Variants in DSN1 observed in about 807,000 individuals in gnomAD.
The protein encoded by DSN1 is kinetochore-associated protein DSN1 homolog.
Under a neutral mutation model 45.7 loss-of-function variants are expected in DSN1, and 31 were observed. The ratio of observed to expected loss-of-function variants is 0.68; its 90% CI spans 0.51 to 0.92. The LOEUF is 0.92. Ranked by LOEUF, DSN1 falls within the 40% of genes least tolerant of loss-of-function variation. DSN1 has a pLI of 0.00. For synonymous variants in DSN1, 134 were observed against 142.3 expected, an observed-to-expected ratio of 0.94 and a Z score of 0.41; for missense variants, 394 against 414.2, an observed-to-expected ratio of 0.95 and a Z score of 0.42.
chr20:36,768,022 C>A lies in DSN1; in HGVS notation c.376G>T (p.Val126Phe). ...AGCCGTTTGCTTTCTGCTAAATCGA[C>A]ACTGATAGACCGGCTGAGCTCTAAC... ...GITELSRSIS[V>F]DLAESKRLGC... Residue 126 changes from valine to phenylalanine, a missense_variant, in exon 4 of 11, where the codon GTC becomes TTC. Physicochemically the swap from Val to Phe is conservative, Grantham distance 50. Coordinates refer to ENST00000373750, the MANE Select transcript of DSN1 (RefSeq NM_001145315.2). The A allele has an allele frequency of 6.2e-7, 1 of 1,614,170 alleles. No individual in the cohort carries two copies. Among genetic ancestry groups the A allele is most frequent in the Admixed American group, 1.7e-5 (1 of 60,016 alleles).
At chr20:36,757,946 C>T in intron 8 of DSN1, 141 bp downstream of exon 8, 2 of 754,606 alleles carry the variant, frequency 2.7e-6, no homozygotes, top group East Asian at 5.4e-5. Flanking sequence ...TCAGAGAGTG[C>T]TAATACACAC....
intron 5 of DSN1, among the ~76,000 whole-genome samples, chr20:36,766,013 C>G (rs1409401865): frequency 1.3e-5 from 2 of 148,632 alleles, no homozygotes; most frequent in East Asian, 4.1e-4. Flanking sequence ...GCCAACATGG[C>G]GAAACCCCGT....
intron 10 of DSN1, among the ~76,000 whole-genome samples, chr20:36,753,513 C>T (rs1018516008): frequency 3.3e-5 from 5 of 151,060 alleles, no homozygotes; most frequent in Admixed American, 1.3e-4. Flanking sequence ...TGGCACATGC[C>T]TGTAATCCCA....
intron 6 of DSN1, among the ~76,000 whole-genome samples, chr20:36,759,444 A>T (rs771626321): frequency 1.3e-5 from 2 of 152,104 alleles, no homozygotes; most frequent in Non-Finnish European, 2.9e-5. Context: ...CTTTCAAAAA[A>T]TACTTAATGT....
rs1343430594 is a variant in DSN1 at position 36,756,072 on chromosome 20, C to A, written c.726-243G>T. On this transcript the variant is annotated intron_variant, in intron 8 of 10. Coordinates refer to ENST00000373750, the MANE Select transcript of DSN1 (RefSeq NM_001145315.2). ...CTCGGCTCACTGCAACCTCTGCCTC[C>A]CGGGTTCAAGCAATTTTCCTGCCTC... is the stretch of plus-strand genomic sequence containing the variant. Among the ~76,000 whole-genome samples the A allele has an allele frequency of 2.6e-5, 4 of 151,948 alleles. No individual in the cohort carries two copies. The East Asian group carries it at 7.7e-4, about 29-fold the overall frequency.
In DSN1 at chr20:36,755,847, G is replaced by C. The variant is rs1351767432; in HGVS notation, c.726-18C>G. 7 of 1,595,364 alleles carry C rather than the reference G, an allele frequency of 4.4e-6. No homozygotes were observed. The East Asian group carries it at 1.6e-4, about 36-fold the overall frequency. On this transcript the variant is annotated intron_variant, in intron 8 of 10. Coordinates refer to ENST00000373750, the MANE Select transcript of DSN1 (RefSeq NM_001145315.2). Reference sequence around the variant, plus strand: ...TTGATCCTCTAAAAACAAAACACAAGAGCTTTTGAGAGATTCTGTAATTAT... The same window carrying C: ...TTGATCCTCTAAAAACAAAACACAACAGCTTTTGAGAGATTCTGTAATTAT...
intron 4 of DSN1, 94 bp from the exon 5 acceptor site, chr20:36,766,935 C>T (rs1312382695): frequency 4.1e-6 from 3 of 727,060 alleles, no homozygotes; most frequent in African/African-American, 3.7e-5. Context: ...AAATATGAAA[C>T]TAAATACTAA....
chr20:36,758,044 TC>T, intron 8 of DSN1, 42 bp downstream of exon 8: 1 of 1,563,614 alleles, frequency 6.4e-7, no homozygotes, highest in East Asian at 2.2e-5. Context: ...CCAATCAAAC[TC>T]CATAAGATTT....
Position 36,752,477 on chromosome 20 carries a change from G to T in DSN1, c.*311C>A. Reference sequence around the variant, plus strand: ...TTAGACTTGGTCCTAAATGATTTTTGGATTGTTTCAAAACCTGAAAAACAC... The same window carrying T: ...TTAGACTTGGTCCTAAATGATTTTTTGATTGTTTCAAAACCTGAAAAACAC... On this transcript the variant is annotated 3_prime_UTR_variant, in exon 11 of 11. Coordinates refer to ENST00000373750, the MANE Select transcript of DSN1 (RefSeq NM_001145315.2). The T allele has an allele frequency of 4.1e-6, 1 of 241,944 alleles. No homozygotes were observed. The allele number at this position is 241,944 out of a possible 1,614,324, so 15.0% of individuals were successfully genotyped here. A position where few individuals can be genotyped will look rare whatever the true frequency, so the allele number is the denominator to read the frequency against.
intron 5 of DSN1, 101 bp downstream of exon 5, chr20:36,766,668 G>T (rs1363398732): frequency 9.9e-7 from 1 of 1,014,910 alleles, no homozygotes; most frequent in South Asian, 1.4e-5. Flanking sequence ...CAAAAGGTGG[G>T]GGAGCTAGTT....
chr20:36,761,253 G>A (rs541589942), intron 6 of DSN1, among the ~76,000 whole-genome samples: 1 of 152,196 alleles, frequency 6.6e-6, no homozygotes, highest in Admixed American at 6.5e-5. Context: ...ATCATTAGAG[G>A]TCTCTGAACA....
chr20:36,754,343 C>A (rs1045138155), intron 10 of DSN1, among the ~76,000 whole-genome samples: 8 of 151,388 alleles, frequency 5.3e-5, no homozygotes, highest in African/African-American at 1.7e-4. Context: ...TTTGCCCCCC[C>A]AGCCCAAAAA....
intron 4 of DSN1, among the ~76,000 whole-genome samples, chr20:36,767,221 C>T (rs1032428903): frequency 2.0e-5 from 3 of 151,896 alleles, no homozygotes; most frequent in Non-Finnish European, 4.4e-5. Context: ...GCGGTAGAAT[C>T]GCTTGAACCT....
intron 10 of DSN1, 149 bp downstream of exon 10, chr20:36,754,614 C>T: frequency 1.8e-6 from 1 of 558,650 alleles, no homozygotes; most frequent in South Asian, 2.6e-5. Flanking sequence ...TCTGAGTACC[C>T]ATAACATACT....
intron 6 of DSN1, among the ~76,000 whole-genome samples, chr20:36,760,837 TAG>T (rs1480031061): frequency 6.6e-6 from 1 of 151,844 alleles, no homozygotes; most frequent in Admixed American, 6.6e-5. Context: ...TTGCAGTGAG[TAG>T]AGATTGCGCC....
At chr20:36,763,052 C>A (rs1347179690) in intron 5 of DSN1, among the ~76,000 whole-genome samples, 2 of 152,186 alleles carry the variant, frequency 1.3e-5, no homozygotes, top group African/African-American at 2.4e-5. Flanking sequence ...CTGTGCCCAG[C>A]CTTTATGACA....
chr20:36,769,897 GTAGA>G (rs1309504573), intron 3 of DSN1, among the ~76,000 whole-genome samples: 2 of 118,044 alleles, frequency 1.7e-5, no homozygotes, highest in African/African-American at 7.0e-5. Flanking sequence ...GTTTTTCACT[GTAGA>G]TACACACACA....
At chr20:36,771,305 A>T in intron 2 of DSN1, 112 bp from the exon 3 acceptor site, 2 of 1,477,994 alleles carry the variant, frequency 1.4e-6, no homozygotes, top group Non-Finnish European at 1.8e-6. Context: ...ACATAAAGAA[A>T]GCATCTCTGC....
intron 6 of DSN1, 59 bp downstream of exon 6, chr20:36,762,402 C>G: frequency 6.7e-7 from 1 of 1,503,162 alleles, no homozygotes; most frequent in Non-Finnish European, 9.1e-7. Flanking sequence ...GAGCCACCAA[C>G]GCCCGGCCTA....
Sources: gnomAD v4.1 joint callset for allele counts (sites outside exome capture counted in the v4.1 genomes callset) on GRCh38, gnomAD v4.1.1 for gene constraint, MANE v1.5 for transcripts, NCBI Gene and HGNC (gene_info 2026-07-23, HGNC 2026-07-21) for gene names.